CORO6: variants seen among roughly 807,000 people sequenced by gnomAD.
The protein encoded by CORO6 is coronin 6, also known as coronin-6.
CORO6 carries 43 observed loss-of-function variants against 49.0 expected under a neutral mutation model. The observed-to-expected ratio is 0.88, with a 90% CI of 0.69 to 1.13. The LOEUF is 1.13. CORO6 is among the 50% of genes most tolerant of loss of function. The pLI is 0.00. For missense variants in CORO6, 650 were observed against 647.0 expected (o/e 1.00, Z -0.05); for synonymous variants, 233 against 256.5 (o/e 0.91, Z 0.88).
intron 3 of CORO6, 127 bp downstream of exon 3, chr17:29,619,524 G>T: frequency 1.1e-6 from 1 of 916,176 alleles, no homozygotes; most frequent in Non-Finnish European, 1.7e-6. Context: ...TCCAGGAGCT[G>T]GGCAGGGCAG....
intron 5 of CORO6, chr17:29,618,295 G>A: frequency 7.7e-7 from 1 of 1,296,538 alleles, no homozygotes; most frequent in Non-Finnish European, 9.8e-7. Flanking sequence ...GGCTGGCGAG[G>A]CCAGGGCCGC....
chr17:29,617,026 G>C lies in CORO6; in HGVS notation c.770C>G (p.Pro257Arg). The C allele has an allele frequency of 6.2e-7, 1 of 1,613,574 alleles. No individual in the cohort carries two copies. The highest frequency in any genetic ancestry group is 1.1e-5 in the South Asian group (1 of 91,086). Reference protein sequence around the residue: ...GLWDPNNFEEPVALQEMDTSN... With the variant: ...GLWDPNNFEERVALQEMDTSN... ...TGTGTCCATCTCCTGCAGTGCCACT[G>C]GCTCCTCGAAGTTGTTCTGCCCGAG... Residue 257 changes from proline (P) to arginine (R), a missense_variant, in exon 7 of 11, where the codon CCA (proline) becomes CGA (arginine). Physicochemically the swap from Pro to Arg is moderately radical, Grantham distance 103. Coordinates refer to ENST00000388767, the MANE Select transcript of CORO6 (RefSeq NM_032854.4).
chr17:29,622,533 G>T (rs1385421531), intron 1 of CORO6, among the ~76,000 whole-genome samples, 155 bp downstream of exon 1: 1 of 152,226 alleles, frequency 6.6e-6, no homozygotes, highest in Admixed American at 6.5e-5. Context: ...CCCTCCGGGA[G>T]CGCTGGCTGC....
intron 5 of CORO6, 131 bp downstream of exon 5, chr17:29,618,659 G>A: frequency 1.4e-6 from 2 of 1,435,150 alleles, no homozygotes; most frequent in East Asian, 2.5e-5. Context: ...GGGGGAAGGG[G>A]GCTAGTCTCT....
chr17:29,617,764 G>T, intron 5 of CORO6, 145 bp from the exon 6 acceptor site: 1 of 909,462 alleles, frequency 1.1e-6, no homozygotes, highest in Non-Finnish European at 1.6e-6. Flanking sequence ...TAAGCACTCA[G>T]CTTCCTGCGG....
rs898920597 is a variant in CORO6, at chr17:29,616,568, T to C, written c.1004+134A>G. 8 of 1,242,696 alleles carry C rather than the reference T, an allele frequency of 6.4e-6. No homozygotes were observed. The African/African-American group carries it at 7.5e-5, about 12-fold the overall frequency. 77.0% of individuals were successfully genotyped at this position (1,242,696 alleles called of 1,614,324 possible). On this transcript the variant is annotated intron_variant, in intron 8 of 10. Transcript: ENST00000388767. The surrounding 1 kb of genome is among the most constrained non-coding windows in gnomAD (Gnocchi z 5.6). ...GGCTAGTGAGCGGTGGGTCTGGCAC[T>C]GAAACAGAGCTGTCTTATCCCCCCG...
In CORO6 at chr17:29,617,620, C is replaced by T; in HGVS notation, c.634-1G>A. On this transcript the variant is annotated splice_acceptor_variant, in intron 5 of 10. Coordinates refer to ENST00000388767, the MANE Select transcript of CORO6 (RefSeq NM_032854.4). LOFTEE classifies it high-confidence loss of function. ...TCCCCTCGTGGGCCGCAAACCTCTC[C>T]TGGGGGGAGGGGGAGACAGGGAGGG... 2 of 1,592,118 alleles carry T rather than the reference C, an allele frequency of 1.3e-6. No homozygotes were observed. Among genetic ancestry groups the T allele is most frequent in the Middle Eastern group, 1.7e-4 (1 of 6,020 alleles).
chr17:29,615,507 G>A lies in CORO6; in HGVS notation c.*225C>T. On this transcript the variant is annotated 3_prime_UTR_variant, in exon 11 of 11. Transcript: ENST00000388767. ...GGTTACCCCAGGCCTCCCTAGGCCA[G>A]CTCCAGCCGAGTCCCAGACGAGGCT... 1.8e-6 allele frequency: 1 copy of A among 540,584 alleles called. No homozygotes were observed. Among genetic ancestry groups the A allele is most frequent in the Non-Finnish European group, 3.2e-6 (1 of 311,250 alleles). 33.5% of individuals were successfully genotyped at this position (540,584 alleles called of 1,614,324 possible). A position where few individuals can be genotyped will look rare whatever the true frequency, so the allele number is the denominator to read the frequency against.
In CORO6 at chr17:29,615,098, G is replaced by C. The variant is rs1256770888; in HGVS notation, c.*634C>G. On this transcript the variant is annotated 3_prime_UTR_variant, in exon 11 of 11. Transcript: ENST00000388767. The stretch of plus-strand genomic sequence containing the variant: ...CCTAACTCCTCATGCCAGTTCTCTC[G>C]AGATTTCTTCGCGGGGGCTGCCGCG... 6.6e-6 allele frequency: 1 copy of C among 152,336 alleles called. No individual in the cohort carries two copies. The highest frequency in any genetic ancestry group is 6.5e-5 in the Admixed American group (1 of 15,302). The allele number at this position is 152,336 out of a possible 1,614,324, so 9.4% of individuals were successfully genotyped here. A position where few individuals can be genotyped will look rare whatever the true frequency, so the allele number is the denominator to read the frequency against.
At chr17:29,618,443 C>G in intron 5 of CORO6, 1 of 1,268,276 alleles carries the variant, frequency 7.9e-7, no homozygotes, top group Non-Finnish European at 9.9e-7. Flanking sequence ...GTCTGGGTGC[C>G]GGCTGAGAGG....
Position 29,615,689 on chromosome 17 carries a change from A to C in CORO6, c.*43T>G. ...GGGACTAAAAGCCGGGGCGGGGCCG[A>C]GCTTGTGCGCCCCGCCCCGCTCCGC... On this transcript the variant is annotated 3_prime_UTR_variant, in exon 11 of 11. Transcript: ENST00000388767. 6.9e-6 allele frequency: 10 copies of C among 1,454,396 alleles called. No individual in the cohort carries two copies. The highest frequency in any genetic ancestry group is 9.0e-6 in the Non-Finnish European group (10 of 1,106,860). The allele number at this position is 1,454,396 out of a possible 1,614,324, so 90.1% of individuals were successfully genotyped here. A position where few individuals can be genotyped will look rare whatever the true frequency, so the allele number is the denominator to read the frequency against.
chr17:29,615,547 C>A lies in CORO6; in HGVS notation c.*185G>T, dbSNP rs1275741119. 3 of 634,886 alleles carry A rather than the reference C, an allele frequency of 4.7e-6. No homozygotes were observed. The highest frequency in any genetic ancestry group is 7.6e-6 in the Non-Finnish European group (3 of 394,122). 39.3% of individuals were successfully genotyped at this position (634,886 alleles called of 1,614,324 possible). ...CAGACGAGGCTCGCAGTCCAGCCTC[C>A]GCTGGAGCGACGTGGGTCTCCCCTA... On this transcript the variant is annotated 3_prime_UTR_variant, in exon 11 of 11. Coordinates refer to ENST00000388767, the MANE Select transcript of CORO6 (RefSeq NM_032854.4).
chr17:29,615,990 G>T lies in CORO6; in HGVS notation c.1248C>A (p.Pro416=). 1 of 1,584,432 alleles carries T rather than the reference G, an allele frequency of 6.3e-7. No individual in the cohort carries two copies. Among genetic ancestry groups the T allele is most frequent in the Admixed American group, 1.8e-5 (1 of 56,776 alleles). Residue 416 remains proline, a synonymous_variant, in exon 10 of 11, where the codon CCC becomes CCA. Coordinates refer to ENST00000388767, the MANE Select transcript of CORO6 (RefSeq NM_032854.4). ...TKRNILDVRP[P]SGPRRSQSAS... The stretch of plus-strand genomic sequence containing the variant: ...CCGACTGGCTGCGGCGGGGGCCGGA[G>T]GGCGGGCGCACGTCCAGGATGTTGC...
intron 5 of CORO6, 172 bp from the exon 6 acceptor site, chr17:29,617,791 T>C: frequency 1.3e-6 from 1 of 773,716 alleles, no homozygotes; most frequent in Non-Finnish European, 2.0e-6. Flanking sequence ...GTCTGGCCCC[T>C]GACCTGGAGA....
Position 29,619,710 on chromosome 17 carries a change from C to G in CORO6, c.262G>C (p.Asp88His). 1.2e-6 allele frequency: 2 copies of G among 1,613,434 alleles called. No homozygotes were observed. The highest frequency in any genetic ancestry group is 1.7e-6 in the Non-Finnish European group (2 of 1,179,422). Residue 88 changes from aspartate to histidine, a missense_variant, in exon 3 of 11, where the codon GAC becomes CAC. By Grantham distance (81) the Asp-to-His change is moderately conservative (BLOSUM62 -1). Coordinates refer to ENST00000388767, the MANE Select transcript of CORO6 (RefSeq NM_032854.4). ...TGHTAPVLDI[D>H]WCPHNDNVIA... ...ACGTTGTCATTGTGTGGACACCAGTCAATATCCAGCACAGGGGCAGTGTGC... is the reference window on the plus strand; with the variant it reads ...ACGTTGTCATTGTGTGGACACCAGTGAATATCCAGCACAGGGGCAGTGTGC...
In CORO6 at chr17:29,616,240, G is replaced by T. The variant is rs765349848; in HGVS notation, c.1062+39C>A. On this transcript the variant is annotated intron_variant, in intron 9 of 10. Transcript: ENST00000388767. The surrounding 1 kb of genome is among the most constrained non-coding windows in gnomAD (Gnocchi z 5.6). ...TGCGGGGCTTGCTCCGCTCCCTTCC[G>T]CCTCGTAGCCCTGCCCAACCCTTCT... 1 of 1,610,204 alleles carries T rather than the reference G, an allele frequency of 6.2e-7. No individual in the cohort carries two copies. The highest frequency in any genetic ancestry group is 8.5e-7 in the Non-Finnish European group (1 of 1,178,072).
In CORO6 at chr17:29,619,726, G is replaced by A. The variant is rs1567810030; in HGVS notation, c.246C>T (p.Ala82=). The change falls in exon 3 of 11, where the codon GCC becomes GCT. Residue 82 remains alanine (A), a synonymous_variant. Transcript: ENST00000388767. The stretch of plus-strand genomic sequence containing the variant: ...GACACCAGTCAATATCCAGCACAGG[G>A]GCAGTGTGCCCAGTGACCAGTGGGT... ...KNYPLVTGHT[A]PVLDIDWCPH... is the part of the protein sequence containing the mutation. 4 of 1,613,518 alleles carry A rather than the reference G, an allele frequency of 2.5e-6. No homozygotes were observed. The South Asian group carries it at 4.4e-5, about 18-fold the overall frequency.
Position 29,621,092 on chromosome 17 carries a change from A to C in CORO6, c.198+132T>G. On this transcript the variant is annotated intron_variant, in intron 2 of 10. Coordinates refer to ENST00000388767, the MANE Select transcript of CORO6 (RefSeq NM_032854.4). The surrounding 1 kb of genome is among the most constrained non-coding windows in gnomAD (Gnocchi z 4.2). ...CCCTCTGGTCCTTGAGGGCTTGGGG[A>C]ATAGGGAGGAGCCAATCCACACAGA... The C allele has an allele frequency of 8.2e-7, 1 of 1,216,188 alleles. No individual in the cohort carries two copies. Among genetic ancestry groups the C allele is most frequent in the Non-Finnish European group, 1.1e-6 (1 of 876,488 alleles). The allele number at this position is 1,216,188 out of a possible 1,614,324, so 75.3% of individuals were successfully genotyped here.
rs1474513624 is a variant in CORO6 at position 29,617,195 on chromosome 17, TCTCCTCCTCCCCTGCGCACATAG to T, written c.754-176_754-154del. On this transcript the variant is annotated intron_variant, in intron 6 of 10. Coordinates refer to ENST00000388767, the MANE Select transcript of CORO6 (RefSeq NM_032854.4). The stretch of plus-strand genomic sequence containing the variant: ...TGCAGGCCCCTCCCCTGGGCACATC[TCTCCTCCTCCCCTGCGCACATAG>T]CTCCTCCTCCCCTGCACATATACCC... 9.1e-6 allele frequency: 14 copies of T among 1,539,228 alleles called. 1 individual carries two copies. In the East Asian group the frequency reaches 1.5e-4, roughly 16 times the overall value.
Sources: gnomAD v4.1 joint callset for allele counts (sites outside exome capture counted in the v4.1 genomes callset) on GRCh38, gnomAD v4.1.1 for gene constraint, Gnocchi (gnomAD v3.1) non-coding constraint, MANE v1.5 for transcripts, NCBI Gene and HGNC (gene_info 2026-07-23, HGNC 2026-07-21) for gene names.